Variants in MOCS1 observed in about 807,000 individuals in gnomAD.
MOCS1 encodes the protein molybdenum cofactor biosynthesis protein 1.
A neutral mutation model predicts 57.6 loss-of-function variants in MOCS1; 39 were observed. The ratio of observed to expected loss-of-function variants is 0.68; its 90% CI spans 0.52 to 0.88. The LOEUF (loss-of-function observed/expected upper bound fraction) is 0.88. Ranked by LOEUF, MOCS1 falls within the 40% of genes least tolerant of loss-of-function variation. MOCS1 has a pLI of 0.00. For missense variants in MOCS1, 795 were observed against 831.1 expected, an observed-to-expected ratio of 0.96 and a Z score of 0.53; for synonymous variants, 334 against 335.7, an observed-to-expected ratio of 1.00 and a Z score of 0.05.
rs1193621629 is a variant in MOCS1, at chr6:39,906,449, T to A, written c.1819A>T (p.Met607Leu). Residue 607 changes from methionine to leucine, a missense_variant, in exon 11 of 11, where the codon ATG becomes TTG. Transcript: ENST00000340692. The part of the protein sequence containing the change: ...AAVAALTLYD[M>L]CKAVSRDIVL... ...ATGTCCCTGCTGACAGCCTTGCACA[T>A]GTCATACAGGGTGAGGGCGGCCACT... 6.2e-7 allele frequency: 1 copy of A among 1,611,746 alleles called. No individual in the cohort carries two copies. Among genetic ancestry groups the A allele is most frequent in the East Asian group, 2.2e-5 (1 of 44,790 alleles).
In MOCS1 at chr6:39,904,407, G is replaced by A; in HGVS notation, c.*1950C>T. ...AAGAAGGGGCTGGTGCCCAGTCGGG[G>A]TGGCTGAGCTGGTCCTTAATAGGTT... On this transcript the variant is annotated 3_prime_UTR_variant, in exon 11 of 11. Transcript: ENST00000340692. 1 of 455,710 alleles carries A rather than the reference G, an allele frequency of 2.2e-6. No individual in the cohort carries two copies. The highest frequency in any genetic ancestry group is 2.0e-5 in the African/African-American group (1 of 50,152). The allele number at this position is 455,710 out of a possible 1,614,324, so 28.2% of individuals were successfully genotyped here. A position where few individuals can be genotyped will look rare whatever the true frequency, so the allele number is the denominator to read the frequency against.
chr6:39,907,156 A>G, intron 10 of MOCS1, 39 bp from the exon 11 acceptor site: 1 of 1,573,898 alleles, frequency 6.4e-7, no homozygotes, highest in Non-Finnish European at 8.6e-7. Flanking sequence ...CACTAAGTCC[A>G]AAAGGCAATT....
intron 8 of MOCS1, among the ~76,000 whole-genome samples, chr6:39,910,432 T>C (rs1216717586): frequency 3.3e-5 from 5 of 152,146 alleles, no homozygotes; most frequent in Non-Finnish European, 5.9e-5. Context: ...CTGTACCTAT[T>C]TGAGTCTGTG....
At chr6:39,915,402 C>CA (rs1242788832) in intron 4 of MOCS1, among the ~76,000 whole-genome samples, 1 of 152,124 alleles carries the variant, frequency 6.6e-6, no homozygotes, top group Non-Finnish European at 1.5e-5. Context: ...CCAGAGTCCT[C>CA]AGTCATGTAC....
intron 1 of MOCS1, 76 bp from the exon 2 acceptor site, chr6:39,927,531 C>A (rs2149422248): frequency 6.2e-7 from 1 of 1,611,316 alleles, no homozygotes; most frequent in Admixed American, 1.7e-5. Context: ...AACCGCCTGC[C>A]CCCTCCCTTA....
intron 8 of MOCS1, among the ~76,000 whole-genome samples, chr6:39,911,325 A>C (rs1767313192): frequency 6.6e-6 from 1 of 152,070 alleles, no homozygotes; most frequent in Admixed American, 6.5e-5. Flanking sequence ...ACCCTCCCAC[A>C]ATTGTAAAAG....
intron 8 of MOCS1, among the ~76,000 whole-genome samples, chr6:39,910,902 T>C (rs1485098195): frequency 6.7e-6 from 1 of 148,368 alleles, no homozygotes; most frequent in Non-Finnish European, 1.5e-5. Flanking sequence ...ATTTCTCCCC[T>C]ACTTCCTCCC....
At chr6:39,910,042 C>T in intron 8 of MOCS1, 87 bp from the exon 9 acceptor site, 1 of 1,590,982 alleles carries the variant, frequency 6.3e-7, no homozygotes, top group Non-Finnish European at 8.5e-7. Flanking sequence ...CCCTGGTTCT[C>T]CCTCCGGGAG....
intron 1 of MOCS1, among the ~76,000 whole-genome samples, chr6:39,933,562 G>A (rs1336128297): frequency 2.0e-5 from 3 of 152,070 alleles, no homozygotes; most frequent in Non-Finnish European, 4.4e-5. Flanking sequence ...AATGAAAAGA[G>A]GTACTTTTCC....
At chr6:39,917,684 AAGG>A (rs1283597907) in intron 3 of MOCS1, among the ~76,000 whole-genome samples, 2 of 152,216 alleles carry the variant, frequency 1.3e-5, no homozygotes, top group Non-Finnish European at 2.9e-5. Flanking sequence ...AGAAGAATGA[AAGG>A]AGGAGGAGAA....
At chr6:39,910,096 G>A (rs1286958820) in intron 8 of MOCS1, 141 bp from the exon 9 acceptor site, 22 of 1,283,922 alleles carry the variant, frequency 1.7e-5, no homozygotes, top group Non-Finnish European at 2.4e-5. Flanking sequence ...CCCTAGCAGT[G>A]AGAGACAGAG....
At chr6:39,923,687 A>G (rs1409887685) in intron 3 of MOCS1, among the ~76,000 whole-genome samples, 1 of 152,258 alleles carries the variant, frequency 6.6e-6, no homozygotes, top group Admixed American at 6.5e-5. Flanking sequence ...TGCCTGGGCC[A>G]GCTCAGCCAG....
At position 39,909,933 on chromosome 6, in the gene MOCS1, T is replaced by G; in HGVS notation, c.1004A>C (p.Glu335Ala). ...TCGCAGGTGATCCCGCAGGGATACC[T>G]CAGAGTTTCCAAAGAGGCAGACCTA... ...NLKVCLFGNS[E>A]VSLRDHLRAG... Residue 335 changes from glutamate to alanine, a missense_variant, in exon 9 of 11, where the codon GAG becomes GCG. Around this residue, in one of 3 missense-constraint regions of MOCS1, gnomAD observed 374 missense variants for 422.6 expected, o/e 0.89. Coordinates refer to ENST00000340692, the MANE Select transcript of MOCS1 (RefSeq NM_001358530.2). 6.2e-7 allele frequency: 1 copy of G among 1,613,716 alleles called. No homozygotes were observed. Among genetic ancestry groups the G allele is most frequent in the Non-Finnish European group, 8.5e-7 (1 of 1,180,006 alleles).
chr6:39,906,644 G>A lies in MOCS1; in HGVS notation c.1624C>T (p.Gln542Ter). ...AGCTGGCTGGTCACCTTGGCTGCCT[G>A]GACTCCAGCCAGCTGGGCCACCACT... ...ALVVAQLAGVQAAKVTSQLIP... is the reference protein window; with the variant it reads ...ALVVAQLAGV Residue 542 changes from glutamine to a stop codon, truncating the protein, a stop_gained, in exon 11 of 11, where the codon CAG becomes TAG. Coordinates refer to ENST00000340692, the MANE Select transcript of MOCS1 (RefSeq NM_001358530.2). LOFTEE classifies it high-confidence loss of function. 1 of 1,613,894 alleles carries A rather than the reference G, an allele frequency of 6.2e-7. No homozygotes were observed. The highest frequency in any genetic ancestry group is 1.1e-5 in the South Asian group (1 of 91,084).
intron 2 of MOCS1, 27 bp downstream of exon 2, chr6:39,927,302 C>T (rs780726839): frequency 6.2e-7 from 1 of 1,607,740 alleles, no homozygotes; most frequent in East Asian, 2.2e-5. Context: ...GACACCAGCC[C>T]AGAGAGGGCC....
intron 3 of MOCS1, among the ~76,000 whole-genome samples, chr6:39,918,614 G>A (rs539723310): frequency 2.2e-4 from 33 of 152,254 alleles, no homozygotes; most frequent in Non-Finnish European, 3.1e-4. Flanking sequence ...TCTGGATGAC[G>A]GAACATTATG....
Position 39,909,862 on chromosome 6 carries a change from C to T in MOCS1, c.1075G>A (p.Val359Met). Residue 359 changes from valine to methionine, a missense_variant, in exon 9 of 11, where the codon GTG (valine) becomes ATG (methionine). Physicochemically the swap from Val to Met is conservative, Grantham distance 21. Transcript: ENST00000340692. ...GCATGCTGCCGCTTCTTCCTGCCCA[C>T]AGCAGCCCCAATGATTCTCAGCAGC... ...QELLRIIGAAVGRKKRQHAGM... is the reference protein window; with the variant it reads ...QELLRIIGAAMGRKKRQHAGM... The T allele has an allele frequency of 6.2e-7, 1 of 1,613,826 alleles. No individual in the cohort carries two copies. Among genetic ancestry groups the T allele is most frequent in the Non-Finnish European group, 8.5e-7 (1 of 1,180,020 alleles).
At chr6:39,916,897 G>T (rs1459641719) in intron 3 of MOCS1, among the ~76,000 whole-genome samples, 1 of 152,202 alleles carries the variant, frequency 6.6e-6, no homozygotes, top group East Asian at 1.9e-4. Context: ...AACAGGGAGT[G>T]ACTAGTGTGC....
rs1406143880 is a variant in MOCS1, at chr6:39,904,455, A to G, written c.*1902T>C. 2 of 454,508 alleles carry G rather than the reference A, an allele frequency of 4.4e-6. No homozygotes were observed. Among genetic ancestry groups the G allele is most frequent in the African/African-American group, 2.0e-5 (1 of 49,986 alleles). The allele number at this position is 454,508 out of a possible 1,614,324, so 28.2% of individuals were successfully genotyped here. A position where few individuals can be genotyped will look rare whatever the true frequency, so the allele number is the denominator to read the frequency against. On this transcript the variant is annotated 3_prime_UTR_variant, in exon 11 of 11. Transcript: ENST00000340692. ...GTTGTTTCTTGGTCTTGCTTTCTTC[A>G]TGCCCTCCCCACTGCTCCTGCCACC...
Sources: gnomAD v4.1 joint callset for allele counts (sites outside exome capture counted in the v4.1 genomes callset) on GRCh38, gnomAD v4.1.1 for gene constraint, gnomAD v4.1.1 regional missense constraint, MANE v1.5 for transcripts, NCBI Gene and HGNC (gene_info 2026-07-23, HGNC 2026-07-21) for gene names.